The following CTNNA2 variants were observed in gnomAD, a reference collection of about 807,000 sequenced individuals.
CTNNA2 encodes catenin alpha-2.
A neutral mutation model predicts 101.0 loss-of-function variants in CTNNA2; 42 were observed. The ratio of observed to expected loss-of-function variants is 0.42; its 90% CI spans 0.32 to 0.54. The LOEUF (loss-of-function observed/expected upper bound fraction) is 0.54, where lower values mean the gene tolerates loss of function less well. Ranked by LOEUF, CTNNA2 falls within the 20% of genes least tolerant of loss-of-function variation. The pLI is 0.14. For missense variants in CTNNA2, 871 were observed against 1,223.1 expected, an observed-to-expected ratio of 0.71 and a Z score of 4.29; for synonymous variants, 450 against 456.4, an observed-to-expected ratio of 0.99 and a Z score of 0.18.
chr2:79,244,113 A>C (rs1357602566), intron 2 of CTNNA2, among the ~76,000 whole-genome samples: 1 of 151,676 alleles, frequency 6.6e-6, no homozygotes, highest in Admixed American at 6.6e-5. Flanking sequence ...TTACTCACCT[A>C]CTCTGGGCCT....
At chr2:79,971,047 T>C (rs994858112) in intron 7 of CTNNA2, among the ~76,000 whole-genome samples, 5 of 152,172 alleles carry the variant, frequency 3.3e-5, no homozygotes, top group Non-Finnish European at 7.3e-5. Context: ...GGCCCAAGAA[T>C]TCAGGTTCTT....
chr2:79,845,965 G>C (rs1574116395), intron 3 of CTNNA2, among the ~76,000 whole-genome samples: 1 of 147,096 alleles, frequency 6.8e-6, no homozygotes, highest in African/African-American at 2.4e-5. Flanking sequence ...TTTAAGAAAC[G>C]ACCATTTCTC....
rs546676313 is a variant in CTNNA2 at position 79,682,631 on chromosome 2, G to C, written c.102+30973G>C. On this transcript the variant is annotated intron_variant, in intron 2 of 18. Coordinates refer to ENST00000402739, the MANE Select transcript of CTNNA2 (RefSeq NM_001282597.3). The stretch of plus-strand genomic sequence containing the variant: ...ATTATAAATGAGTCATGAAATATAA[G>C]GGGGAAAATTTATATACAAATTCAG... Among the ~76,000 whole-genome samples, 8 of 152,168 alleles carry C rather than the reference G, an allele frequency of 5.3e-5. No homozygotes were observed. In the South Asian group the frequency reaches 8.3e-4, roughly 16 times the overall value.
chr2:79,955,205 A>G (rs2104508923), intron 7 of CTNNA2, among the ~76,000 whole-genome samples: 1 of 152,268 alleles, frequency 6.6e-6, no homozygotes, highest in Middle Eastern at 3.4e-3. Context: ...CTTCATCTTG[A>G]TAAATGTCCC....
intron 1 of CTNNA2, among the ~76,000 whole-genome samples, chr2:79,187,270 C>CTTTTCTT (rs1242631840): frequency 4.6e-5 from 3 of 65,468 alleles, no homozygotes; most frequent in East Asian, 4.6e-4. Context: ...CTTTTCTTTT[C>CTTTTCTT]TTTTTTTTTT....
intron 1 of CTNNA2, chr2:79,523,306 G>A: frequency 2.3e-6 from 1 of 443,678 alleles, no homozygotes; most frequent in South Asian, 1.6e-5. Flanking sequence ...AAATAGAGGT[G>A]AAGGTTTGTG....
chr2:79,244,106 C>T (rs1056549703), intron 2 of CTNNA2, among the ~76,000 whole-genome samples: 1 of 152,154 alleles, frequency 6.6e-6, no homozygotes, highest in Non-Finnish European at 1.5e-5. Flanking sequence ...TGGGGAATTA[C>T]TCACCTACTC....
At chr2:80,130,762 T>A (rs1284257363) in intron 7 of CTNNA2, among the ~76,000 whole-genome samples, 5 of 151,830 alleles carry the variant, frequency 3.3e-5, no homozygotes, top group South Asian at 2.1e-4. Flanking sequence ...CTTTTTTTTT[T>A]AATTTTCTGA....
At chr2:79,549,286 A>G (rs1300582971) in intron 1 of CTNNA2, among the ~76,000 whole-genome samples, 1 of 152,212 alleles carries the variant, frequency 6.6e-6, no homozygotes, top group Non-Finnish European at 1.5e-5. Context: ...CATGGTTCCT[A>G]TAACTTTCAT....
intron 4 of CTNNA2, among the ~76,000 whole-genome samples, chr2:79,416,333 G>T (rs1305185017): frequency 8.3e-6 from 1 of 120,474 alleles, no homozygotes; most frequent in Non-Finnish European, 1.7e-5. Context: ...TTTCTAAGCT[G>T]TAATTTTGTA....
intron 18 of CTNNA2, among the ~76,000 whole-genome samples, chr2:80,635,366 T>A (rs1326547280): frequency 2.0e-5 from 3 of 152,160 alleles, no homozygotes; most frequent in Non-Finnish European, 2.9e-5. Context: ...TTAAAACTAA[T>A]TTAGTTAAAA....
At chr2:80,361,029 A>T (rs1674356446) in intron 7 of CTNNA2, among the ~76,000 whole-genome samples, 1 of 152,064 alleles carries the variant, frequency 6.6e-6, no homozygotes, top group African/African-American at 2.4e-5. Flanking sequence ...CGGATGTCAT[A>T]TGAACAAGGT....
intron 9 of CTNNA2, among the ~76,000 whole-genome samples, chr2:80,498,136 C>A (rs1385423694): frequency 6.6e-6 from 1 of 151,918 alleles, no homozygotes; most frequent in Non-Finnish European, 1.5e-5. Context: ...AAACAACAAC[C>A]AAAAAAACCA....
At chr2:80,426,181 A>T (rs1224318160) in intron 9 of CTNNA2, among the ~76,000 whole-genome samples, 1 of 152,144 alleles carries the variant, frequency 6.6e-6, no homozygotes, top group Non-Finnish European at 1.5e-5. Context: ...TGCCGAGCTG[A>T]TCCAGAAACA....
intron 6 of CTNNA2, among the ~76,000 whole-genome samples, chr2:79,877,975 C>G (rs1348534736): frequency 6.6e-6 from 1 of 152,122 alleles, no homozygotes; most frequent in Non-Finnish European, 1.5e-5. Context: ...CTTGCCCCCA[C>G]CCCGCAACAG....
At chr2:80,510,155 A>G (rs1688597991) in intron 9 of CTNNA2, among the ~76,000 whole-genome samples, 1 of 152,216 alleles carries the variant, frequency 6.6e-6, no homozygotes, top group Non-Finnish European at 1.5e-5. Context: ...TAACTTTCAA[A>G]AATGAGTTCC....
intron 1 of CTNNA2, among the ~76,000 whole-genome samples, chr2:79,649,042 C>T (rs911322560): frequency 6.6e-6 from 1 of 152,022 alleles, no homozygotes; most frequent in Admixed American, 6.6e-5. Context: ...GTTAGAAGGG[C>T]TCTGTGACCT....
intron 2 of CTNNA2, among the ~76,000 whole-genome samples, chr2:79,287,048 C>G (rs1375631642): frequency 6.6e-6 from 1 of 152,194 alleles, no homozygotes; most frequent in East Asian, 1.9e-4. Context: ...TTGATCGCAT[C>G]AGCTCCTGAG....
At chr2:80,230,675 C>A (rs1709157841) in intron 7 of CTNNA2, among the ~76,000 whole-genome samples, 1 of 152,144 alleles carries the variant, frequency 6.6e-6, no homozygotes, top group Non-Finnish European at 1.5e-5. Context: ...TGGGCATTGT[C>A]ATGTGGCCAC....
Sources: gnomAD v4.1 joint callset for allele counts (sites outside exome capture counted in the v4.1 genomes callset) on GRCh38, gnomAD v4.1.1 for gene constraint, MANE v1.5 for transcripts, NCBI Gene and HGNC (gene_info 2026-07-23, HGNC 2026-07-21) for gene names.